PDIA5: variants seen among roughly 807,000 people sequenced by gnomAD.
PDIA5 encodes the protein protein disulfide isomerase family A member 5.
PDIA5 carries 58 observed loss-of-function variants against 77.6 expected under a neutral mutation model. That is an observed-to-expected ratio of 0.75 (90% CI 0.61 to 0.93). The LOEUF is 0.93. PDIA5 is among the 40% of genes least tolerant of loss of function. The pLI, the probability that PDIA5 is intolerant of heterozygous loss-of-function variation, is 0.00. For missense variants in PDIA5, 630 were observed against 647.7 expected, an observed-to-expected ratio of 0.97 and a Z score of 0.30; for synonymous variants, 250 against 252.1, an observed-to-expected ratio of 0.99 and a Z score of 0.08.
At chr3:123,115,467 C>T (rs1042465887) in intron 7 of PDIA5, among the ~76,000 whole-genome samples, 3 of 152,150 alleles carry the variant, frequency 2.0e-5, no homozygotes, top group Non-Finnish European at 4.4e-5. Context: ...CACAGAGCCC[C>T]GGAGGGCTGA....
At chr3:123,091,391 A>G (rs1934278422) in intron 2 of PDIA5, among the ~76,000 whole-genome samples, 1 of 152,060 alleles carries the variant, frequency 6.6e-6, no homozygotes, top group Non-Finnish European at 1.5e-5. Context: ...CGCTCTCCCC[A>G]CAAGTCTTTG....
chr3:123,111,067 G>A, intron 7 of PDIA5, 63 bp downstream of exon 7: 1 of 1,286,040 alleles, frequency 7.8e-7, no homozygotes, highest in South Asian at 1.2e-5. Flanking sequence ...GTGGGAGGCA[G>A]GTGGGGGTTG....
chr3:123,089,882 A>T (rs1439907829), intron 2 of PDIA5, among the ~76,000 whole-genome samples: 1 of 152,250 alleles, frequency 6.6e-6, no homozygotes, highest in Non-Finnish European at 1.5e-5. Context: ...TCTGACCTTG[A>T]GGCTGGCAAG....
At chr3:123,131,250 A>C (rs778348737) in intron 11 of PDIA5, among the ~76,000 whole-genome samples, 28 of 151,742 alleles carry the variant, frequency 1.8e-4, no homozygotes, top group Admixed American at 4.6e-4. Context: ...AGCCTGAGTA[A>C]CCAAACAAGA....
intron 7 of PDIA5, 64 bp downstream of exon 7, chr3:123,111,068 G>A (rs999491849): frequency 8.7e-6 from 11 of 1,263,322 alleles, no homozygotes; most frequent in Admixed American, 5.1e-5. Context: ...TGGGAGGCAG[G>A]TGGGGGTTGC....
At chr3:123,092,288 G>C in intron 2 of PDIA5, 67 bp from the exon 3 acceptor site, 1 of 1,309,384 alleles carries the variant, frequency 7.6e-7, no homozygotes, top group Non-Finnish European at 1.1e-6. Flanking sequence ...CACCCCTGAG[G>C]GAAGATAGCA....
chr3:123,092,266 T>C, intron 2 of PDIA5, 89 bp from the exon 3 acceptor site: 2 of 1,052,748 alleles, frequency 1.9e-6, no homozygotes, highest in Non-Finnish European at 1.5e-6. Flanking sequence ...AGGATTGGTC[T>C]CCATCCTTCC....
intron 6 of PDIA5, among the ~76,000 whole-genome samples, chr3:123,108,042 C>G (rs1394036545): frequency 2.0e-5 from 3 of 152,190 alleles, no homozygotes; most frequent in Non-Finnish European, 2.9e-5. Context: ...AGCAATCCTC[C>G]TGCCTCAGCC....
intron 1 of PDIA5, among the ~76,000 whole-genome samples, chr3:123,072,107 C>A (rs1466856789): frequency 3.1e-5 from 4 of 129,308 alleles, no homozygotes; most frequent in African/African-American, 1.2e-4. Flanking sequence ...AATCAGGCCG[C>A]ATGTAGGGTT....
intron 10 of PDIA5, among the ~76,000 whole-genome samples, chr3:123,128,259 C>T (rs1318587722): frequency 2.0e-5 from 3 of 152,168 alleles, no homozygotes; most frequent in African/African-American, 7.2e-5. Context: ...TCTTGGGCCC[C>T]TACTCTGCTT....
intron 14 of PDIA5, 41 bp downstream of exon 14, chr3:123,150,405 G>A (rs1056295201): frequency 1.3e-6 from 2 of 1,584,698 alleles, no homozygotes; most frequent in African/African-American, 1.4e-5. Context: ...CAGTAAGAGG[G>A]GTTTGGCCCC....
chr3:123,102,061 C>A (rs1008997057), intron 3 of PDIA5, among the ~76,000 whole-genome samples: 2 of 151,934 alleles, frequency 1.3e-5, no homozygotes, highest in African/African-American at 4.8e-5. Flanking sequence ...AGGCACGTAC[C>A]ACCACACCTG....
intron 14 of PDIA5, among the ~76,000 whole-genome samples, chr3:123,151,734 T>TCCTG (rs67239583): frequency 0.33 from 36,928 of 111,262 alleles, 6,728 homozygotes; most frequent in Non-Finnish European, 0.42. Flanking sequence ...ACTCCTTCCT[T>TCCTG]CCTGCCTGCC....
At chr3:123,148,336 GGC>G (rs1410102606) in intron 13 of PDIA5, among the ~76,000 whole-genome samples, 3 of 152,140 alleles carry the variant, frequency 2.0e-5, no homozygotes, top group Non-Finnish European at 4.4e-5. Context: ...GGGAAGTAGA[GGC>G]AGGAGGATCT....
At chr3:123,122,519 A>G (rs1483696085) in intron 8 of PDIA5, among the ~76,000 whole-genome samples, 2 of 152,130 alleles carry the variant, frequency 1.3e-5, no homozygotes, top group Admixed American at 1.3e-4. Context: ...AGGGACTTAA[A>G]ACAATTGGAA....
intron 3 of PDIA5, among the ~76,000 whole-genome samples, chr3:123,099,272 C>T (rs1934523180): frequency 6.6e-6 from 1 of 152,218 alleles, no homozygotes; most frequent in Non-Finnish European, 1.5e-5. Flanking sequence ...TTCATTTCAG[C>T]CATTCAGCCA....
At chr3:123,104,212 C>T (rs546348402) in intron 5 of PDIA5, among the ~76,000 whole-genome samples, 1 of 152,116 alleles carries the variant, frequency 6.6e-6, no homozygotes, top group East Asian at 1.9e-4. Flanking sequence ...GGCTGAGCAT[C>T]GTACGGGGCC....
intron 3 of PDIA5, among the ~76,000 whole-genome samples, chr3:123,097,965 A>G (rs1324248277): frequency 1.3e-5 from 2 of 152,152 alleles, no homozygotes; most frequent in African/African-American, 4.8e-5. Context: ...GGAGGGGCTG[A>G]GCGTGGTCTC....
Position 123,115,923 on chromosome 3 carries a change from A to G in PDIA5, c.542-308A>G, listed in dbSNP as rs77549233. Reference sequence around the variant, plus strand: ...GGTTTTCTGAATCTCTGTTGAATTCATTATCAGTGCTGAAGTATTCTGGGC... The same window carrying G: ...GGTTTTCTGAATCTCTGTTGAATTCGTTATCAGTGCTGAAGTATTCTGGGC... On this transcript the variant is annotated intron_variant, in intron 7 of 16. Transcript: ENST00000316218. Among the ~76,000 whole-genome samples the G allele has an allele frequency of 1.5e-3, 222 of 152,356 alleles. 6 individuals carry two copies. The highest frequency in any genetic ancestry group is 1.5e-3 in the Non-Finnish European group (100 of 68,040).
Sources: allele counts gnomAD v4.1 joint callset (sites outside exome capture counted in the v4.1 genomes callset), GRCh38; gene constraint gnomAD v4.1.1; transcripts MANE v1.5; gene names NCBI Gene and HGNC (gene_info 2026-07-23, HGNC 2026-07-21).